KIAA1549L: variants seen among roughly 807,000 people sequenced by gnomAD.
KIAA1549L encodes UPF0606 protein KIAA1549L.
A neutral mutation model predicts 160.7 loss-of-function variants in KIAA1549L; 88 were observed. The ratio of observed to expected loss-of-function variants is 0.55; its 90% CI spans 0.46 to 0.65. KIAA1549L has a LOEUF of 0.65. KIAA1549L is among the 30% of genes least tolerant of loss of function. The probability of loss-of-function intolerance (pLI) is 0.00; values close to 1 mark genes in which losing one functional copy is unlikely to be tolerated. For synonymous variants in KIAA1549L, 950 were observed against 976.7 expected, an observed-to-expected ratio of 0.97 and a Z score of 0.51; for missense variants, 2,258 against 2,437.5, an observed-to-expected ratio of 0.93 and a Z score of 1.55.
chr11:33,619,415 A>AT (rs1396215501), intron 16 of KIAA1549L, among the ~76,000 whole-genome samples: 2 of 152,130 alleles, frequency 1.3e-5, no homozygotes, highest in African/African-American at 2.4e-5. Flanking sequence ...TACAAATAAA[A>AT]TTTTTTCTTT....
rs562710568 is a variant in KIAA1549L, at chr11:33,504,431, TTTCCC to T, written c.239-37343_239-37339del. 6.2e-3 allele frequency among the ~76,000 whole-genome samples: 939 copies of T among 150,682 alleles called. 6 individuals carry two copies. The highest frequency in any genetic ancestry group is 0.014 in the East Asian group (74 of 5,134). On this transcript the variant is annotated intron_variant, in intron 1 of 20. Coordinates refer to ENST00000658780, the MANE Select transcript of KIAA1549L (RefSeq NM_012194.3). ...CCAATCAAATAGGTATCATTGCAGA[TTTCCC>T]TTCCCTTCCCTTCCCTTCCCTTCCC...
intron 1 of KIAA1549L, among the ~76,000 whole-genome samples, chr11:33,447,359 T>C (rs1240614210): frequency 1.3e-5 from 2 of 152,196 alleles, no homozygotes; most frequent in Non-Finnish European, 2.9e-5. Flanking sequence ...TTAGACAGGT[T>C]GTGACAGCTG....
intron 1 of KIAA1549L, among the ~76,000 whole-genome samples, chr11:33,524,115 C>G (rs1018067552): frequency 6.6e-5 from 10 of 152,044 alleles, no homozygotes; most frequent in African/African-American, 2.2e-4. Context: ...ATCCTCCTAC[C>G]TTTTTCTATG....
intron 1 of KIAA1549L, among the ~76,000 whole-genome samples, chr11:33,408,489 G>GTGTGTGTATATATATATA (rs34208718): frequency 6.5e-5 from 8 of 123,074 alleles, no homozygotes; most frequent in African/African-American, 2.6e-4. Context: ...CTGTATATGT[G>GTGTGTGTATATATATATA]TATATATATA....
Position 33,530,426 on chromosome 11 carries a change from AAAAAAAAAAAATATATAT to A in KIAA1549L, c.239-11374_239-11357del, listed in dbSNP as rs1156514226. 5.8e-4 allele frequency among the ~76,000 whole-genome samples: 38 copies of A among 65,490 alleles called. 1 individual carries two copies. Among genetic ancestry groups the A allele is most frequent in the Admixed American group, 1.2e-3 (7 of 5,642 alleles). The allele number at this position is 65,490 out of a possible 152,430, so 43.0% of individuals were successfully genotyped here. ...AAAGAAGAAGAAGGAAAAAAAAAAAAAAAAAAAAAAATATATATATATATATATATATATATATATATA... is the reference window on the plus strand; with the variant it reads ...AAAGAAGAAGAAGGAAAAAAAAAAAAATATATATATATATATATATATATA... On this transcript the variant is annotated intron_variant, in intron 1 of 20. Transcript: ENST00000658780.
chr11:33,587,915 G>A (rs1039652441), intron 11 of KIAA1549L, among the ~76,000 whole-genome samples: 1 of 152,168 alleles, frequency 6.6e-6, no homozygotes, highest in African/African-American at 2.4e-5. Flanking sequence ...GGCAGGAGAT[G>A]CTAACCAAGA....
chr11:33,614,532 A>C (rs10768010), intron 15 of KIAA1549L, among the ~76,000 whole-genome samples: 17,570 of 21,780 alleles, frequency 0.81, 6,699 homozygotes, highest in East Asian at 0.92. Context: ...GTGTAACAAG[A>C]TATATATATA....
At chr11:33,564,739 G>C (rs1179175660) in intron 8 of KIAA1549L, among the ~76,000 whole-genome samples, 1 of 149,870 alleles carries the variant, frequency 6.7e-6, no homozygotes, top group Non-Finnish European at 1.5e-5. Flanking sequence ...AACCTAGTGT[G>C]TCCTTGAGCA....
At chr11:33,624,744 T>C (rs1851051876) in intron 16 of KIAA1549L, among the ~76,000 whole-genome samples, 1 of 151,034 alleles carries the variant, frequency 6.6e-6, no homozygotes, top group Admixed American at 6.6e-5. Context: ...TTTTTTTTTT[T>C]TTAATTTTTG....
intron 1 of KIAA1549L, among the ~76,000 whole-genome samples, chr11:33,454,803 T>G (rs1274467638): frequency 1.3e-5 from 2 of 152,086 alleles, no homozygotes; most frequent in African/African-American, 2.4e-5. Context: ...AAAAAACCAT[T>G]TGGTGGCTGG....
intron 1 of KIAA1549L, among the ~76,000 whole-genome samples, chr11:33,496,374 G>A (rs745791184): frequency 6.6e-6 from 1 of 152,120 alleles, no homozygotes; most frequent in African/African-American, 2.4e-5. Flanking sequence ...AGGATTTCTG[G>A]GTGCGAAGTC....
At chr11:33,552,059 A>G in intron 5 of KIAA1549L, 49 bp from the exon 6 acceptor site, 1 of 1,603,486 alleles carries the variant, frequency 6.2e-7, no homozygotes, top group Non-Finnish European at 8.5e-7. Flanking sequence ...AATCCAAGGA[A>G]CTGAGACATG....
intron 13 of KIAA1549L, among the ~76,000 whole-genome samples, chr11:33,602,815 A>C (rs1315038104): frequency 6.6e-6 from 1 of 152,242 alleles, no homozygotes; most frequent in Non-Finnish European, 1.5e-5. Context: ...TTGCCTATAA[A>C]GTCTTTTTTA....
chr11:33,627,703 T>C (rs1851157913), intron 16 of KIAA1549L, among the ~76,000 whole-genome samples: 1 of 152,190 alleles, frequency 6.6e-6, no homozygotes, highest in Non-Finnish European at 1.5e-5. Context: ...ATAAACAAAA[T>C]CTATCAATTT....
intron 20 of KIAA1549L, among the ~76,000 whole-genome samples, chr11:33,666,500 C>T (rs1852459365): frequency 6.6e-6 from 1 of 152,212 alleles, no homozygotes; most frequent in Non-Finnish European, 1.5e-5. Context: ...CTTCATTCGC[C>T]ATAGCACCCT....
chr11:33,400,178 C>T (rs1430949736), intron 1 of KIAA1549L, among the ~76,000 whole-genome samples: 1 of 152,152 alleles, frequency 6.6e-6, no homozygotes, highest in South Asian at 2.1e-4. Flanking sequence ...GAAATCAACC[C>T]ATCACATATT....
At chr11:33,492,547 A>G (rs1375232902) in intron 1 of KIAA1549L, among the ~76,000 whole-genome samples, 1 of 152,172 alleles carries the variant, frequency 6.6e-6, no homozygotes, top group Admixed American at 6.5e-5. Flanking sequence ...AATTTCGCAC[A>G]GGTAATAGTC....
intron 11 of KIAA1549L, among the ~76,000 whole-genome samples, chr11:33,585,804 C>G (rs1474738884): frequency 6.6e-6 from 1 of 152,194 alleles, no homozygotes; most frequent in Non-Finnish European, 1.5e-5. Flanking sequence ...TTGTGGTTTT[C>G]CATAGCTCCT....
intron 1 of KIAA1549L, among the ~76,000 whole-genome samples, chr11:33,539,417 A>G (rs1853964533): frequency 6.6e-6 from 1 of 152,206 alleles, no homozygotes; most frequent in East Asian, 1.9e-4. Flanking sequence ...TGAATAGGTT[A>G]GGGTAAGGTA....
Sources: allele counts gnomAD v4.1 joint callset (sites outside exome capture counted in the v4.1 genomes callset), GRCh38; gene constraint gnomAD v4.1.1; transcripts MANE v1.5; gene names NCBI Gene and HGNC (gene_info 2026-07-23, HGNC 2026-07-21).